PLA2G6: variants seen among roughly 807,000 people sequenced by gnomAD.
PLA2G6 encodes phospholipase A2 group VI, also known as 85/88 kDa calcium-independent phospholipase A2.
A neutral mutation model predicts 83.8 loss-of-function variants in PLA2G6; 62 were observed. That is an observed-to-expected ratio of 0.74 (90% CI 0.60 to 0.91). The LOEUF is 0.91. Among genes scored for constraint, PLA2G6 ranks in the 40% least tolerant of loss-of-function variants. The pLI, the probability that PLA2G6 is intolerant of heterozygous loss-of-function variation, is 0.00. For missense variants in PLA2G6, 944 were observed against 1,102.0 expected (o/e 0.86, Z 2.03); for synonymous variants, 417 against 449.8 (o/e 0.93, Z 0.92).
intron 10 of PLA2G6, chr22:38,126,080 T>C (rs2087835593): frequency 2.2e-6 from 1 of 456,094 alleles, no homozygotes; most frequent in South Asian, 1.9e-5. Flanking sequence ...CCCCCTCTTC[T>C]AGCCATAAGG....
intron 1 of PLA2G6, among the ~76,000 whole-genome samples, chr22:38,179,547 G>A (rs2090765785): frequency 6.6e-6 from 1 of 152,160 alleles, no homozygotes; most frequent in South Asian, 2.1e-4. Flanking sequence ...ACTTTGGGAG[G>A]CCAAGGCAGG....
chr22:38,121,190 C>T (rs2087509419), intron 11 of PLA2G6: 1 of 387,184 alleles, frequency 2.6e-6, no homozygotes, highest in South Asian at 2.6e-5. Flanking sequence ...CCAGCCTGCC[C>T]AACATGGTGA....
chr22:38,118,125 T>C (rs905169221), intron 12 of PLA2G6, among the ~76,000 whole-genome samples: 4 of 151,826 alleles, frequency 2.6e-5, no homozygotes, highest in Admixed American at 6.6e-5. Flanking sequence ...AAAGATAAAA[T>C]TGCAACAAAT....
intron 2 of PLA2G6, among the ~76,000 whole-genome samples, chr22:38,162,932 G>A (rs768443264): frequency 1.3e-4 from 20 of 152,070 alleles, no homozygotes; most frequent in Non-Finnish European, 2.6e-4. Context: ...GAGGACACAC[G>A]GGGGTGTGTC....
chr22:38,180,434 A>G (rs994085310), intron 1 of PLA2G6: 3 of 152,330 alleles, frequency 2.0e-5, no homozygotes, highest in Non-Finnish European at 4.4e-5. Flanking sequence ...TGAAGTGAGA[A>G]TATCATTGGC....
intron 12 of PLA2G6, among the ~76,000 whole-genome samples, chr22:38,116,851 C>CAAAAAAAAAAAAA (rs57712042): frequency 5.3e-4 from 20 of 37,656 alleles, no homozygotes; most frequent in South Asian, 3.6e-3. Flanking sequence ...AACTCCGTCT[C>CAAAAAAAAAAAAA]AAAAAAAAAA....
intron 2 of PLA2G6, among the ~76,000 whole-genome samples, chr22:38,162,196 G>A (rs1272260881): frequency 1.5e-5 from 2 of 130,308 alleles, no homozygotes; most frequent in Admixed American, 9.4e-5. Context: ...GCAACAGAGC[G>A]AGACTCTGTG....
intron 12 of PLA2G6, 149 bp downstream of exon 12, chr22:38,120,610 T>C: frequency 1.0e-6 from 1 of 967,688 alleles, no homozygotes; most frequent in Non-Finnish European, 1.6e-6. Flanking sequence ...ACCCCAGCCC[T>C]CTGCCTCCCT....
rs1602050007 is a variant in PLA2G6 at position 38,111,944 on chromosome 22, C to T, written c.*217G>A. Reference sequence around the variant, plus strand: ...GGGGCCAAAGGGGGCTCTAGACTTTCCCAGCCTGGAATGACAGAAAGTGCT... The same window carrying T: ...GGGGCCAAAGGGGGCTCTAGACTTTTCCAGCCTGGAATGACAGAAAGTGCT... On this transcript the variant is annotated 3_prime_UTR_variant, in exon 17 of 17. Transcript: ENST00000332509. 1.6e-6 allele frequency: 1 copy of T among 611,442 alleles called. No homozygotes were observed. The highest frequency in any genetic ancestry group is 4.4e-4 in the Middle Eastern group (1 of 2,274). 37.9% of individuals were successfully genotyped at this position (611,442 alleles called of 1,614,324 possible). A position where few individuals can be genotyped will look rare whatever the true frequency, so the allele number is the denominator to read the frequency against.
chr22:38,145,618 A>C lies in PLA2G6; in HGVS notation c.245T>G (p.Val82Gly). ...CTGGGAAGAATACTGATGGAAATTC[A>C]CTAGGGCGTCAGCCTCCAACTCCAG... ...FQLELEADAL[V>G]NFHQYSSQLL... The change falls in exon 3 of 17, where the codon GTG (valine) becomes GGG (glycine). Residue 82 changes from valine (V) to glycine (G), a missense_variant. Physicochemically the swap from Val to Gly is moderately radical, Grantham distance 109. Coordinates refer to ENST00000332509, the MANE Select transcript of PLA2G6 (RefSeq NM_003560.4). 6.2e-7 allele frequency: 1 copy of C among 1,613,546 alleles called. No homozygotes were observed. The highest frequency in any genetic ancestry group is 8.5e-7 in the Non-Finnish European group (1 of 1,179,786).
intron 2 of PLA2G6, 131 bp from the exon 3 acceptor site, chr22:38,145,784 A>AACACACACACCCACACACACAC (rs2089216645): frequency 2.3e-6 from 1 of 429,266 alleles, no homozygotes; most frequent in African/African-American, 2.7e-5. Context: ...CTCCCAAGCA[A>AACACACACACCCACACACACAC]ACACACACAC....
rs375740918 is a variant in PLA2G6 at position 38,128,289 on chromosome 22, G to A, written c.1328C>T (p.Pro443Leu). ...PFSLERAQPP[P>L]ISLNNLELQD... ...CCTACCTAGGTTGTTTAGGCTGATC[G>A]GTGGGGGCTGAGCTCTTTCCAGGGA... Residue 443 changes from proline to leucine, a missense_variant, in exon 9 of 17, where the codon CCG (proline) becomes CTG (leucine). Coordinates refer to ENST00000332509, the MANE Select transcript of PLA2G6 (RefSeq NM_003560.4). The surrounding 1 kb of genome is among the most constrained non-coding windows in gnomAD (Gnocchi z 4.4). 5.4e-5 allele frequency: 87 copies of A among 1,612,666 alleles called. 2 individuals carry two copies. The highest frequency in any genetic ancestry group is 4.9e-4 in the South Asian group (45 of 91,020).
chr22:38,143,132 G>A lies in PLA2G6; in HGVS notation c.582C>T (p.Val194=), dbSNP rs2089020675. 9.3e-6 allele frequency: 15 copies of A among 1,614,148 alleles called. No individual in the cohort carries two copies. Among genetic ancestry groups the A allele is most frequent in the Middle Eastern group, 1.6e-4 (1 of 6,062 alleles). Residue 194 remains valine (V), a synonymous_variant, in exon 4 of 17, where the codon GTC becomes GTT. Coordinates refer to ENST00000332509, the MANE Select transcript of PLA2G6 (RefSeq NM_003560.4). ...YKGETVFHYA[V]QGDNSQVLQL... Reference sequence around the variant, plus strand: ...GCAGCACCTGAGAATTGTCACCCTGGACAGCATAATGGAAGACGGTCTCTC... The same window carrying A: ...GCAGCACCTGAGAATTGTCACCCTGAACAGCATAATGGAAGACGGTCTCTC...
At chr22:38,134,813 G>C (rs912806381) in intron 6 of PLA2G6, 175 bp downstream of exon 6, 16 of 602,220 alleles carry the variant, frequency 2.7e-5, no homozygotes, top group Non-Finnish European at 4.5e-5. Context: ...CCAGAGAGCA[G>C]CAGAGCCCTG....
intron 3 of PLA2G6, 75 bp downstream of exon 3, chr22:38,145,363 C>T (rs538976804): frequency 1.7e-5 from 21 of 1,249,148 alleles, no homozygotes; most frequent in Admixed American, 2.0e-5. Context: ...GGAGGGGAAC[C>T]GAGGCCTGCG....
intron 10 of PLA2G6, among the ~76,000 whole-genome samples, chr22:38,125,843 C>G (rs1261046498): frequency 6.6e-6 from 1 of 152,246 alleles, no homozygotes. Flanking sequence ...GCCGTGCCAG[C>G]TGGCACTGAG....
chr22:38,146,207 T>C (rs571329786), intron 2 of PLA2G6: 1 of 169,106 alleles, frequency 5.9e-6, no homozygotes, highest in African/African-American at 2.4e-5. Flanking sequence ...GGCTAATTTT[T>C]TGTGTTTTTA....
At chr22:38,155,198 G>A (rs1244611520) in intron 2 of PLA2G6, among the ~76,000 whole-genome samples, 1 of 151,396 alleles carries the variant, frequency 6.6e-6, no homozygotes, top group Non-Finnish European at 1.5e-5. Flanking sequence ...CTGCACTCCA[G>A]CCTGGGCGAC....
Position 38,120,922 on chromosome 22 carries a change from G to A in PLA2G6, c.1592-13C>T, listed in dbSNP as rs565901019. On this transcript the variant is annotated splice_polypyrimidine_tract_variant and intron_variant, in intron 11 of 16. Coordinates refer to ENST00000332509, the MANE Select transcript of PLA2G6 (RefSeq NM_003560.4). ...GCCATGGACTTACCTAGGAACAAAG[G>A]GGTCAGAGGCGGGGAGATGCAGCGG... 6 of 1,612,964 alleles carry A rather than the reference G, an allele frequency of 3.7e-6. No individual in the cohort carries two copies. The highest frequency in any genetic ancestry group is 2.2e-5 in the South Asian group (2 of 91,072).
Sources: gnomAD v4.1 joint callset for allele counts (sites outside exome capture counted in the v4.1 genomes callset) on GRCh38, gnomAD v4.1.1 for gene constraint, Gnocchi (gnomAD v3.1) non-coding constraint, MANE v1.5 for transcripts, NCBI Gene and HGNC (gene_info 2026-07-23, HGNC 2026-07-21) for gene names.